Variants in TUT4 observed in about 807,000 individuals in gnomAD.
The protein encoded by TUT4 is terminal uridylyltransferase 4.
A neutral mutation model predicts 192.2 loss-of-function variants in TUT4; 36 were observed. The observed-to-expected ratio is 0.19, with a 90% CI of 0.14 to 0.25. The LOEUF is 0.25. Among genes scored for constraint, TUT4 ranks in the 10% least tolerant of loss-of-function variants. The probability of loss-of-function intolerance (pLI) is 1.00; values close to 1 mark genes in which losing one functional copy is unlikely to be tolerated. For missense variants in TUT4, 1,493 were observed against 1,957.2 expected (o/e 0.76, Z 4.47); for synonymous variants, 618 against 666.0 (o/e 0.93, Z 1.11).
intron 1 of TUT4, among the ~76,000 whole-genome samples, chr1:52,544,417 T>C (rs1452217315): frequency 1.3e-5 from 2 of 152,042 alleles, no homozygotes; most frequent in Admixed American, 1.3e-4. Flanking sequence ...TTAACAAGGA[T>C]GACAAAGCCA....
chr1:52,515,780 T>C lies in TUT4; in HGVS notation c.882+111A>G, dbSNP rs1246104071. ...TAGAGAAGAGGGAAGTAAGGAAAGA[T>C]GAATGCAACCTCTGTCTTATGAATA... On this transcript the variant is annotated intron_variant, in intron 3 of 29. Transcript: ENST00000257177. 11 of 1,273,244 alleles carry C rather than the reference T, an allele frequency of 8.6e-6. No homozygotes were observed. In the East Asian group the frequency reaches 2.6e-4, roughly 30 times the overall value. 78.9% of individuals were successfully genotyped at this position (1,273,244 alleles called of 1,614,324 possible).
At chr1:52,467,230 G>A (rs1664482152) in intron 15 of TUT4, among the ~76,000 whole-genome samples, 1 of 152,126 alleles carries the variant, frequency 6.6e-6, no homozygotes. Flanking sequence ...AGCACATAAT[G>A]GGTCATCTTG....
intron 28 of TUT4, among the ~76,000 whole-genome samples, chr1:52,430,183 GT>G (rs1651602575): frequency 6.6e-6 from 1 of 151,940 alleles, no homozygotes; most frequent in Non-Finnish European, 1.5e-5. Context: ...TTAAAGAATT[GT>G]TCCTGAGAAA....
At chr1:52,462,403 G>T (rs1241380304) in intron 16 of TUT4, 1 of 151,996 alleles carries the variant, frequency 6.6e-6, no homozygotes, top group African/African-American at 2.4e-5. Context: ...CACCAGGATG[G>T]TCTCGATCTC....
intron 4 of TUT4, among the ~76,000 whole-genome samples, chr1:52,506,300 G>A (rs549686339): frequency 4.6e-5 from 7 of 151,672 alleles, no homozygotes; most frequent in Admixed American, 2.0e-4. Context: ...TTTTTCTCCC[G>A]TCGGAGTCAA....
intron 3 of TUT4, among the ~76,000 whole-genome samples, chr1:52,510,194 C>T (rs957115413): frequency 6.6e-6 from 1 of 151,822 alleles, no homozygotes; most frequent in Admixed American, 6.6e-5. Flanking sequence ...GGCTTGTAAT[C>T]CCAGCTACTC....
intron 11 of TUT4, 108 bp downstream of exon 11, chr1:52,481,315 A>C (rs1299044515): frequency 8.4e-7 from 1 of 1,189,174 alleles, no homozygotes; most frequent in East Asian, 2.3e-5. Context: ...AAATGAGGCC[A>C]AGAGGCTTGC....
At chr1:52,448,913 C>A (rs1002030882) in intron 20 of TUT4, among the ~76,000 whole-genome samples, 3 of 152,224 alleles carry the variant, frequency 2.0e-5, no homozygotes, top group Non-Finnish European at 4.4e-5. Context: ...TCCAGCCCAA[C>A]TACGTTGGCT....
intron 26 of TUT4, among the ~76,000 whole-genome samples, chr1:52,435,894 A>G (rs1395223258): frequency 6.6e-6 from 1 of 151,840 alleles, no homozygotes; most frequent in African/African-American, 2.4e-5. Flanking sequence ...GGGCAACAAG[A>G]GTCTGTCTCT....
At position 52,530,160 on chromosome 1, in the gene TUT4, T is replaced by C. The variant is rs1397954326; in HGVS notation, c.-93-3787A>G. ...GTCAGCTACTTTGAGTAATTTTTCATATAACTAAAAATACATTTAAATTAC... is the reference window on the plus strand; with the variant it reads ...GTCAGCTACTTTGAGTAATTTTTCACATAACTAAAAATACATTTAAATTAC... On this transcript the variant is annotated intron_variant, in intron 1 of 29. Coordinates refer to ENST00000257177, the MANE Select transcript of TUT4 (RefSeq NM_001009881.3). 2.0e-5 allele frequency among the ~76,000 whole-genome samples: 3 copies of C among 149,650 alleles called. No homozygotes were observed. The East Asian group carries it at 5.9e-4, about 30-fold the overall frequency.
intron 13 of TUT4, among the ~76,000 whole-genome samples, chr1:52,473,335 G>T (rs1009053208): frequency 2.0e-5 from 3 of 152,214 alleles, no homozygotes; most frequent in Middle Eastern, 3.4e-3. Context: ...AAGTTCTGGA[G>T]ATCTGTACAA....
intron 2 of TUT4, among the ~76,000 whole-genome samples, chr1:52,521,160 C>T (rs1680166387): frequency 6.6e-6 from 1 of 152,042 alleles, no homozygotes; most frequent in Admixed American, 6.5e-5. Flanking sequence ...AAGATTAACT[C>T]CATAAGAGTG....
At chr1:52,497,218 A>G in intron 4 of TUT4, 35 bp from the exon 5 acceptor site, 1 of 1,529,734 alleles carries the variant, frequency 6.5e-7, no homozygotes, top group Non-Finnish European at 8.7e-7. Flanking sequence ...ATAAAAACAA[A>G]AAAAGTTTCT....
chr1:52,542,695 A>T (rs1687006514), intron 1 of TUT4, among the ~76,000 whole-genome samples: 1 of 152,146 alleles, frequency 6.6e-6, no homozygotes, highest in Non-Finnish European at 1.5e-5. Flanking sequence ...TAAAAATGAA[A>T]ACCTTTTCCT....
At position 52,425,423 on chromosome 1, in the gene TUT4, G is replaced by C; in HGVS notation, c.4796C>G (p.Pro1599Arg). Residue 1599 changes from proline (P) to arginine (R), a missense_variant, in exon 29 of 30, where the codon CCT (proline) becomes CGT (arginine). Around this residue, in one of 7 missense-constraint regions of TUT4, gnomAD observed 351 missense variants for 397.8 expected, o/e 0.88. Transcript: ENST00000257177. ...CATGAAGTTTTGATGCAAACCATAA[G>C]GCCACGAAGCTGGGACAAGGGGGAA... ...PHFPLVPASW[P>R]YGLHQNFMHQ... 2 of 1,613,982 alleles carry C rather than the reference G, an allele frequency of 1.2e-6. No individual in the cohort carries two copies. Among genetic ancestry groups the C allele is most frequent in the Non-Finnish European group, 1.7e-6 (2 of 1,179,934 alleles).
At chr1:52,468,878 CAA>C (rs1047180002) in intron 14 of TUT4, among the ~76,000 whole-genome samples, 2 of 152,208 alleles carry the variant, frequency 1.3e-5, no homozygotes, top group African/African-American at 4.8e-5. Context: ...TTCTTAAGAA[CAA>C]AGTCTTTTTT....
intron 4 of TUT4, among the ~76,000 whole-genome samples, chr1:52,502,791 T>C (rs1674518131): frequency 6.6e-6 from 1 of 151,872 alleles, no homozygotes; most frequent in African/African-American, 2.4e-5. Context: ...CCCAGCTAAT[T>C]TTTTGTATTA....
chr1:52,435,134 T>C (rs754212762), intron 27 of TUT4: 7 of 317,476 alleles, frequency 2.2e-5, no homozygotes, highest in African/African-American at 4.3e-5. Flanking sequence ...TATTGTACAA[T>C]TGAAGAGTAG....
intron 24 of TUT4, among the ~76,000 whole-genome samples, chr1:52,443,787 G>A (rs572820979): frequency 2.0e-5 from 3 of 151,950 alleles, no homozygotes; most frequent in African/African-American, 7.2e-5. Flanking sequence ...AAACAAAAAG[G>A]TCTGACAGCA....
Sources: allele counts gnomAD v4.1 joint callset (sites outside exome capture counted in the v4.1 genomes callset), GRCh38; gene constraint gnomAD v4.1.1; regional missense constraint gnomAD v4.1.1; transcripts MANE v1.5; gene names NCBI Gene and HGNC (gene_info 2026-07-23, HGNC 2026-07-21).